Variants in VIPR2 observed in about 807,000 individuals in gnomAD.
VIPR2 encodes vasoactive intestinal polypeptide receptor 2.
Under a neutral mutation model 58.0 loss-of-function variants are expected in VIPR2, and 48 were observed. The ratio of observed to expected loss-of-function variants is 0.83; its 90% confidence interval spans 0.66 to 1.05. The LOEUF is 1.05. VIPR2 is among the 50% of genes least tolerant of loss of function. VIPR2 has a pLI of 0.00. For missense variants in VIPR2, 534 were observed against 558.0 expected (o/e 0.96, Z 0.43); for synonymous variants, 243 against 235.2 (o/e 1.03, Z -0.30).
At chr7:159,102,050 T>C (rs1178525933) in intron 4 of VIPR2, among the ~76,000 whole-genome samples, 1 of 119,138 alleles carries the variant, frequency 8.4e-6, no homozygotes, top group Non-Finnish European at 1.9e-5. Flanking sequence ...AGTGAACGGG[T>C]CTCACGAGAT....
intron 4 of VIPR2, among the ~76,000 whole-genome samples, chr7:159,060,600 C>T (rs1457464294): frequency 6.6e-6 from 1 of 151,858 alleles, no homozygotes; most frequent in African/African-American, 2.4e-5. Flanking sequence ...TAGCCACCAC[C>T]CTCACCTCAT....
chr7:159,109,979 A>G, intron 2 of VIPR2, 60 bp from the exon 3 acceptor site: 1 of 1,541,188 alleles, frequency 6.5e-7, no homozygotes, highest in African/African-American at 1.4e-5. Context: ...ACAAATAGAA[A>G]CCCCATTAAT....
At chr7:159,063,175 C>T (rs541355394) in intron 4 of VIPR2, among the ~76,000 whole-genome samples, 38 of 152,202 alleles carry the variant, frequency 2.5e-4, no homozygotes, top group African/African-American at 6.5e-4. Context: ...GACCAGGTGC[C>T]GCGGAGCAGG....
chr7:159,088,366 T>C (rs1193557808), intron 4 of VIPR2, among the ~76,000 whole-genome samples: 2 of 151,650 alleles, frequency 1.3e-5, no homozygotes, highest in Non-Finnish European at 2.9e-5. Flanking sequence ...GCACACCTGC[T>C]GTAGCATACC....
At position 159,087,108 on chromosome 7, in the gene VIPR2, C is replaced by T. The variant is rs139536544; in HGVS notation, c.357+16649G>A. 1.7e-3 allele frequency among the ~76,000 whole-genome samples: 260 copies of T among 151,978 alleles called. 1 individual carries two copies. Among genetic ancestry groups the T allele is most frequent in the African/African-American group, 5.7e-3 (238 of 41,434 alleles). ...CTGCCAGGACTCTGATAGTGAGATA[C>T]GGCTTCCCAACAAATAATACCCAGG... is the stretch of plus-strand genomic sequence containing the variant. On this transcript the variant is annotated intron_variant, in intron 4 of 12. Coordinates refer to ENST00000262178, the MANE Select transcript of VIPR2 (RefSeq NM_003382.5).
intron 6 of VIPR2, among the ~76,000 whole-genome samples, chr7:159,042,335 C>T (rs989607858): frequency 6.6e-6 from 1 of 152,016 alleles, no homozygotes; most frequent in Non-Finnish European, 1.5e-5. Flanking sequence ...GTGCTCTGGG[C>T]CAGCAGGGAT....
At chr7:159,089,683 G>A (rs1857352180) in intron 4 of VIPR2, among the ~76,000 whole-genome samples, 2 of 152,120 alleles carry the variant, frequency 1.3e-5, no homozygotes, top group African/African-American at 4.8e-5. Context: ...TACAACTCAG[G>A]TTTCTCCACT....
At chr7:159,050,707 G>A (rs1854951013) in intron 5 of VIPR2, among the ~76,000 whole-genome samples, 1 of 152,188 alleles carries the variant, frequency 6.6e-6, no homozygotes, top group South Asian at 2.1e-4. Flanking sequence ...GAATTAGGAA[G>A]GAGCAGTATT....
At position 159,030,587 on chromosome 7, in the gene VIPR2, C is replaced by G. The variant is rs1853481846; in HGVS notation, c.*29G>C. ...CGCAGAAGCCCCGAACCGTGGGCCTCCCGCCGCGTCCGACAGGCAGGGGTG... is the reference window on the plus strand; with the variant it reads ...CGCAGAAGCCCCGAACCGTGGGCCTGCCGCCGCGTCCGACAGGCAGGGGTG... On this transcript the variant is annotated 3_prime_UTR_variant, in exon 13 of 13. Transcript: ENST00000262178. 6.6e-7 allele frequency: 1 copy of G among 1,504,212 alleles called. No homozygotes were observed. Among genetic ancestry groups the G allele is most frequent in the Non-Finnish European group, 8.9e-7 (1 of 1,123,126 alleles). The allele number at this position is 1,504,212 out of a possible 1,614,324, so 93.2% of individuals were successfully genotyped here.
chr7:159,031,538 T>C lies in VIPR2; in HGVS notation c.1143+290A>G, dbSNP rs1192732095. The C allele has an allele frequency of 1.0e-6, 1 of 984,738 alleles. No individual in the cohort carries two copies. Among genetic ancestry groups the C allele is most frequent in the Non-Finnish European group, 1.2e-6 (1 of 829,838 alleles). 61.0% of individuals were successfully genotyped at this position (984,738 alleles called of 1,614,324 possible). A position where few individuals can be genotyped will look rare whatever the true frequency, so the allele number is the denominator to read the frequency against. ...GACGCCGACCATGGGGAAAAACAGA[T>C]TCTGTCTAGACCCGGCCGGGAGCTT... On this transcript the variant is annotated intron_variant, in intron 12 of 12. Transcript: ENST00000262178. The surrounding 1 kb of genome is among the most constrained non-coding windows in gnomAD (Gnocchi z 4.0).
Position 159,031,445 on chromosome 7 carries a change from C to G in VIPR2, c.1143+383G>C, listed in dbSNP as rs1015067659. Reference sequence around the variant, plus strand: ...GCTTCCTCCCCAGGGACTCACAGGACGCTGTGCAGCCCCACCCCCCAACCC... The same window carrying G: ...GCTTCCTCCCCAGGGACTCACAGGAGGCTGTGCAGCCCCACCCCCCAACCC... On this transcript the variant is annotated intron_variant, in intron 12 of 12. Transcript: ENST00000262178. This position sits in a 1 kb window ranked among gnomAD's most constrained non-coding sequence, Gnocchi z 4.0. The G allele has an allele frequency of 5.5e-5, 54 of 985,150 alleles. No homozygotes were observed. Among genetic ancestry groups the G allele is most frequent in the Non-Finnish European group, 6.5e-5 (54 of 829,812 alleles). The allele number at this position is 985,150 out of a possible 1,614,324, so 61.0% of individuals were successfully genotyped here.
rs1858085056 is a variant in VIPR2 at position 159,099,613 on chromosome 7, C to A, written c.357+4144G>T. Among the ~76,000 whole-genome samples the A allele has an allele frequency of 6.6e-6, 1 of 152,178 alleles. No individual in the cohort carries two copies. Among genetic ancestry groups the A allele is most frequent in the South Asian group, 2.1e-4 (1 of 4,826 alleles). Reference sequence around the variant, plus strand: ...AACGACGGAGCCTGCACATACGGGGCTCTGGGTGACGCTGCTGGGGGCCTT... The same window carrying A: ...AACGACGGAGCCTGCACATACGGGGATCTGGGTGACGCTGCTGGGGGCCTT... On this transcript the variant is annotated intron_variant, in intron 4 of 12. Transcript: ENST00000262178. The surrounding 1 kb of genome is among the most constrained non-coding windows in gnomAD (Gnocchi z 4.2).
intron 3 of VIPR2, among the ~76,000 whole-genome samples, chr7:159,106,580 AGG>A (rs1488846932): frequency 1.9e-5 from 2 of 104,454 alleles, no homozygotes. Flanking sequence ...GAGGCCAGGG[AGG>A]GGCACAGAGA....
At chr7:159,129,287 A>T (rs1473916371) in intron 2 of VIPR2, among the ~76,000 whole-genome samples, 1 of 92,322 alleles carries the variant, frequency 1.1e-5, no homozygotes, top group Non-Finnish European at 2.2e-5. Flanking sequence ...GGCTGGGGGG[A>T]CAGGGCCAGG....
intron 2 of VIPR2, among the ~76,000 whole-genome samples, chr7:159,116,669 C>T (rs144032093): frequency 7.3e-4 from 111 of 152,262 alleles, no homozygotes; most frequent in Middle Eastern, 3.4e-3. Flanking sequence ...GCATTTTCAA[C>T]GGAATACACA....
chr7:159,052,446 C>G (rs1855066010), intron 5 of VIPR2, among the ~76,000 whole-genome samples: 1 of 152,174 alleles, frequency 6.6e-6, no homozygotes. Flanking sequence ...ACTCTCTGCC[C>G]TGTTGGCTCT....
Position 159,036,032 on chromosome 7 carries a change from T to A in VIPR2, c.749-20A>T. 1.2e-6 allele frequency: 2 copies of A among 1,611,518 alleles called. No homozygotes were observed. The highest frequency in any genetic ancestry group is 1.7e-6 in the Non-Finnish European group (2 of 1,179,056). On this transcript the variant is annotated intron_variant, in intron 7 of 12. Coordinates refer to ENST00000262178, the MANE Select transcript of VIPR2 (RefSeq NM_003382.5). The stretch of plus-strand genomic sequence containing the variant: ...GGAGGCCTGCAGAGAGACGCCTGGT[T>A]ACACAGGTGGAGCGGAGCGGTGTGC...
Position 159,034,218 on chromosome 7 carries a change from C to T in VIPR2, c.966G>A (p.Gln322=). 6.2e-7 allele frequency: 1 copy of T among 1,613,960 alleles called. No homozygotes were observed. The highest frequency in any genetic ancestry group is 8.5e-7 in the Non-Finnish European group (1 of 1,179,946). The change falls in exon 10 of 13, where the codon CAG becomes CAA. Residue 322 remains glutamine, a synonymous_variant. Transcript: ENST00000262178. ...SPDVGGNDQS[Q]YKRLAKSTLL... ...AGGCCGGGACACACACTCACTTGTA[C>T]TGAGACTGGTCGTTGCCGCCGACAT...
At chr7:159,033,528 G>C (rs191742422) in intron 10 of VIPR2, among the ~76,000 whole-genome samples, 2 of 152,280 alleles carry the variant, frequency 1.3e-5, no homozygotes, top group East Asian at 3.9e-4. Flanking sequence ...TGGAGTCTTT[G>C]CATTACTTTA....
Sources: allele counts gnomAD v4.1 joint callset (sites outside exome capture counted in the v4.1 genomes callset), GRCh38; gene constraint gnomAD v4.1.1; non-coding constraint Gnocchi (gnomAD v3.1); transcripts MANE v1.5; gene names NCBI Gene and HGNC (gene_info 2026-07-23, HGNC 2026-07-21).